Variants in RTN1 observed in about 807,000 individuals in gnomAD.
The protein encoded by RTN1 is reticulon-1.
In RTN1, 25 loss-of-function variants were observed where a neutral mutation model predicts 65.5. That is an observed-to-expected ratio of 0.38 (90% CI 0.28 to 0.53). The LOEUF (loss-of-function observed/expected upper bound fraction) is 0.53. Among genes scored for constraint, RTN1 ranks in the 20% least tolerant of loss-of-function variants. The pLI is 0.79. For missense variants in RTN1, 983 were observed against 1,025.4 expected, an observed-to-expected ratio of 0.96 and a Z score of 0.57; for synonymous variants, 471 against 447.6, an observed-to-expected ratio of 1.05 and a Z score of -0.66.
At position 59,834,041 on chromosome 14, in the gene RTN1, G is replaced by A. The variant is rs148081167; in HGVS notation, c.241+36349C>T. Among the ~76,000 whole-genome samples, 13 of 152,206 alleles carry A rather than the reference G, an allele frequency of 8.5e-5. No homozygotes were observed. In the East Asian group the frequency reaches 2.1e-3, roughly 25 times the overall value. On this transcript the variant is annotated intron_variant, in intron 1 of 8. Transcript: ENST00000267484. ...TAGATAGAAAGATCAATGGAACAGA[G>A]AGTTCATAATTGGACTCGAACATAA...
chr14:59,681,265 A>G (rs185815905), intron 3 of RTN1, among the ~76,000 whole-genome samples: 2 of 152,170 alleles, frequency 1.3e-5, no homozygotes, highest in Non-Finnish European at 1.5e-5. Flanking sequence ...AGACATATGA[A>G]CATATATTTC....
intron 1 of RTN1, among the ~76,000 whole-genome samples, chr14:59,793,572 G>A (rs186868866): frequency 5.3e-4 from 80 of 151,154 alleles, no homozygotes; most frequent in African/African-American, 1.9e-3. Flanking sequence ...CATTCTCTAC[G>A]CCAGAGAGAA....
intron 3 of RTN1, among the ~76,000 whole-genome samples, chr14:59,639,031 C>A (rs557756435): frequency 5.3e-5 from 8 of 152,144 alleles, no homozygotes; most frequent in African/African-American, 9.7e-5. Context: ...TCCTTTCACT[C>A]GAACACTTAG....
intron 2 of RTN1, among the ~76,000 whole-genome samples, chr14:59,730,462 A>G (rs1884875239): frequency 6.6e-6 from 1 of 152,266 alleles, no homozygotes; most frequent in South Asian, 2.1e-4. Flanking sequence ...ACCTTGGATT[A>G]GAAATCGTTT....
rs571621658 is a variant in RTN1 at position 59,846,573 on chromosome 14, G to A, written c.241+23817C>T. ...AAGCATAATGGAAAAAGAAGAGTAAGTGTGTATCCCAAGGGCCTTTGGGTG... is the reference window on the plus strand; with the variant it reads ...AAGCATAATGGAAAAAGAAGAGTAAATGTGTATCCCAAGGGCCTTTGGGTG... On this transcript the variant is annotated intron_variant, in intron 1 of 8. Coordinates refer to ENST00000267484, the MANE Select transcript of RTN1 (RefSeq NM_021136.3). The surrounding 1 kb of genome is among the most constrained non-coding windows in gnomAD (Gnocchi z 4.8). Among the ~76,000 whole-genome samples the A allele has an allele frequency of 9.2e-5, 14 of 152,162 alleles. No individual in the cohort carries two copies. Among genetic ancestry groups the A allele is most frequent in the Non-Finnish European group, 1.9e-4 (13 of 68,016 alleles).
chr14:59,701,340 G>C (rs560120192), intron 3 of RTN1, among the ~76,000 whole-genome samples: 1 of 152,284 alleles, frequency 6.6e-6, no homozygotes, highest in South Asian at 2.1e-4. Flanking sequence ...AGATAACTGA[G>C]AGCATGTGTC....
At chr14:59,801,102 G>A (rs1218926045) in intron 1 of RTN1, among the ~76,000 whole-genome samples, 1 of 152,008 alleles carries the variant, frequency 6.6e-6, no homozygotes, top group Non-Finnish European at 1.5e-5. Context: ...AAGCTCTCTG[G>A]GACAACATCA....
chr14:59,851,460 T>C (rs775168713), intron 1 of RTN1, among the ~76,000 whole-genome samples: 2 of 152,212 alleles, frequency 1.3e-5, no homozygotes, highest in Non-Finnish European at 2.9e-5. Flanking sequence ...TAACAGCACA[T>C]TCACTTTCAA....
chr14:59,674,056 C>A (rs910604726), intron 3 of RTN1, among the ~76,000 whole-genome samples: 2 of 152,184 alleles, frequency 1.3e-5, no homozygotes, highest in Non-Finnish European at 2.9e-5. Context: ...ACAAAAATTT[C>A]TTGTGTTAAC....
intron 3 of RTN1, among the ~76,000 whole-genome samples, chr14:59,725,921 A>C (rs1393781080): frequency 6.6e-6 from 1 of 152,222 alleles, no homozygotes; most frequent in Non-Finnish European, 1.5e-5. Context: ...AAAGGCAAAG[A>C]AAGCACTTCT....
chr14:59,644,384 C>T (rs1882844815), intron 3 of RTN1, among the ~76,000 whole-genome samples: 1 of 152,156 alleles, frequency 6.6e-6, no homozygotes, highest in Non-Finnish European at 1.5e-5. Context: ...CATGCTTCTC[C>T]CAGGTCTCTT....
chr14:59,857,721 A>G (rs890782270), intron 1 of RTN1, among the ~76,000 whole-genome samples: 1 of 152,200 alleles, frequency 6.6e-6, no homozygotes, highest in African/African-American at 2.4e-5. Context: ...TTCATCTTCT[A>G]TTCTACTGTC....
At chr14:59,693,301 C>T (rs1398479600) in intron 3 of RTN1, among the ~76,000 whole-genome samples, 1 of 152,176 alleles carries the variant, frequency 6.6e-6, no homozygotes, top group Non-Finnish European at 1.5e-5. Flanking sequence ...TATAAGCAGA[C>T]ATTTCTATGT....
At chr14:59,683,809 T>C (rs1441735176) in intron 3 of RTN1, among the ~76,000 whole-genome samples, 1 of 152,112 alleles carries the variant, frequency 6.6e-6, no homozygotes, top group Non-Finnish European at 1.5e-5. Flanking sequence ...TTGTCTGCCA[T>C]GAAAGAAAAC....
rs1885414495 is a variant in RTN1, at chr14:59,750,047, T to TTA, written c.242-3568_242-3567dup. On this transcript the variant is annotated intron_variant, in intron 1 of 8. Transcript: ENST00000267484. ...TTATATTATATACATATATTATATA[T>TTA]TATATTATATACATATATTATATAT... is the stretch of plus-strand genomic sequence containing the variant. Among the ~76,000 whole-genome samples, 53 of 51,266 alleles carry TTA rather than the reference T, an allele frequency of 1.0e-3. No individual in the cohort carries two copies. In the East Asian group the frequency reaches 0.011, roughly 10 times the overall value. The allele number at this position is 51,266 out of a possible 152,430, so 33.6% of individuals were successfully genotyped here.
chr14:59,651,635 G>A (rs1328974582), intron 3 of RTN1, among the ~76,000 whole-genome samples: 1 of 152,082 alleles, frequency 6.6e-6, no homozygotes, highest in East Asian at 1.9e-4. Flanking sequence ...CTGCTTGGGA[G>A]GTCGAGGCAG....
intron 1 of RTN1, among the ~76,000 whole-genome samples, chr14:59,808,604 C>A (rs898304514): frequency 6.6e-6 from 1 of 152,128 alleles, no homozygotes; most frequent in South Asian, 2.1e-4. Flanking sequence ...TACAAGGCTG[C>A]AGTAAGAACT....
intron 3 of RTN1, among the ~76,000 whole-genome samples, chr14:59,670,705 G>A (rs533739141): frequency 3.3e-5 from 5 of 152,214 alleles, no homozygotes; most frequent in East Asian, 3.9e-4. Context: ...TCACTTGCTC[G>A]AAGATGAAAA....
At chr14:59,627,678 C>T (rs1882436142) in intron 3 of RTN1, among the ~76,000 whole-genome samples, 1 of 152,106 alleles carries the variant, frequency 6.6e-6, no homozygotes, top group Non-Finnish European at 1.5e-5. Context: ...AGGACTTTAG[C>T]CTCCCTTTCT....
Sources: allele counts gnomAD v4.1 joint callset (sites outside exome capture counted in the v4.1 genomes callset), GRCh38; gene constraint gnomAD v4.1.1; non-coding constraint Gnocchi (gnomAD v3.1); transcripts MANE v1.5; gene names NCBI Gene and HGNC (gene_info 2026-07-23, HGNC 2026-07-21).